SPAG16: variants seen among roughly 807,000 people sequenced by gnomAD.
SPAG16 encodes sperm associated antigen 16.
Under a neutral mutation model 80.4 loss-of-function variants are expected in SPAG16, and 86 were observed. That is an observed-to-expected ratio of 1.07 (90% CI 0.90 to 1.28). The LOEUF (loss-of-function observed/expected upper bound fraction) is 1.28. Among genes scored for constraint, SPAG16 ranks in the 50% most tolerant of loss-of-function variants. The pLI, the probability that SPAG16 is intolerant of heterozygous loss-of-function variation, is 0.00. For synonymous variants in SPAG16, 294 were observed against 265.9 expected, an observed-to-expected ratio of 1.11 and a Z score of -1.03; for missense variants, 870 against 765.3, an observed-to-expected ratio of 1.14 and a Z score of -1.61.
intron 1 of SPAG16, 82 bp from the exon 2 acceptor site, chr2:213,295,982 A>G (rs1016193202): frequency 8.6e-7 from 1 of 1,161,324 alleles, no homozygotes; most frequent in Admixed American, 1.7e-5. Flanking sequence ...TGAATCCAAT[A>G]CTATATTTGA....
chr2:214,287,398 T>G (rs1167469885), intron 15 of SPAG16, among the ~76,000 whole-genome samples: 1 of 152,204 alleles, frequency 6.6e-6, no homozygotes, highest in African/African-American at 2.4e-5. Flanking sequence ...ATTATTGTAT[T>G]TGATATATTG....
At chr2:214,195,663 C>T (rs1025996217) in intron 15 of SPAG16, among the ~76,000 whole-genome samples, 1 of 151,872 alleles carries the variant, frequency 6.6e-6, no homozygotes, top group Non-Finnish European at 1.5e-5. Flanking sequence ...TAAATAGTGT[C>T]TGAGGTCATT....
intron 8 of SPAG16, chr2:213,365,393 A>T (rs989982916): frequency 6.6e-6 from 1 of 152,232 alleles, no homozygotes; most frequent in Admixed American, 6.5e-5. Flanking sequence ...AAGCAAAGAA[A>T]TGAGAACAAG....
chr2:214,261,539 T>C (rs1379858029), intron 15 of SPAG16, among the ~76,000 whole-genome samples: 2 of 152,212 alleles, frequency 1.3e-5, no homozygotes, highest in Non-Finnish European at 2.9e-5. Flanking sequence ...ATAAGTTTGA[T>C]AGGAATTGAG....
At chr2:213,307,338 A>G (rs1384808737) in intron 3 of SPAG16, among the ~76,000 whole-genome samples, 5 of 135,586 alleles carry the variant, frequency 3.7e-5, no homozygotes, top group African/African-American at 1.1e-4. Flanking sequence ...TATATCTCCC[A>G]ATGCTATCCC....
chr2:214,395,537 T>G (rs1701315569), intron 15 of SPAG16, among the ~76,000 whole-genome samples: 1 of 152,158 alleles, frequency 6.6e-6, no homozygotes, highest in African/African-American at 2.4e-5. Context: ...ATTTTTATGG[T>G]AAGTTTTATT....
At chr2:214,034,735 A>G (rs1472469986) in intron 13 of SPAG16, among the ~76,000 whole-genome samples, 1 of 152,184 alleles carries the variant, frequency 6.6e-6, no homozygotes, top group African/African-American at 2.4e-5. Context: ...AAGCTTTAAG[A>G]TGCCAGGAAC....
At chr2:213,431,086 A>C (rs916913855) in intron 9 of SPAG16, among the ~76,000 whole-genome samples, 1 of 152,208 alleles carries the variant, frequency 6.6e-6, no homozygotes, top group South Asian at 2.1e-4. Flanking sequence ...CATGGGAAAG[A>C]AAGGTTGATA....
intron 10 of SPAG16, among the ~76,000 whole-genome samples, chr2:213,775,037 A>G (rs2069488553): frequency 6.6e-6 from 1 of 152,186 alleles, no homozygotes; most frequent in South Asian, 2.1e-4. Flanking sequence ...GACTTGTCAA[A>G]AAGAGTTTGT....
At chr2:214,354,793 C>G (rs556723599) in intron 15 of SPAG16, among the ~76,000 whole-genome samples, 17 of 152,172 alleles carry the variant, frequency 1.1e-4, no homozygotes, top group Admixed American at 5.2e-4. Context: ...TGATCTGGCT[C>G]TCTGTTTGTC....
rs769487682 is a variant in SPAG16, at chr2:213,338,469, A to G, written c.537-1694A>G. 2.6e-5 allele frequency among the ~76,000 whole-genome samples: 4 copies of G among 152,328 alleles called. No homozygotes were observed. In the South Asian group the frequency reaches 8.3e-4, roughly 32 times the overall value. On this transcript the variant is annotated intron_variant, in intron 5 of 15. Transcript: ENST00000331683. ...TTGGTGTGCTGTATTCAAGAGACCTATCTCACATGCAAAGACACACATAGA... is the reference window on the plus strand; with the variant it reads ...TTGGTGTGCTGTATTCAAGAGACCTGTCTCACATGCAAAGACACACATAGA...
intron 10 of SPAG16, among the ~76,000 whole-genome samples, chr2:213,618,868 T>C (rs1224862660): frequency 6.6e-6 from 1 of 152,208 alleles, no homozygotes; most frequent in Non-Finnish European, 1.5e-5. Flanking sequence ...GATTCCCTGC[T>C]TTTCTTTTAG....
At chr2:213,833,454 T>TTATATATATTATATATAA (rs2073802165) in intron 10 of SPAG16, among the ~76,000 whole-genome samples, 1 of 5,440 alleles carries the variant, frequency 1.8e-4, no homozygotes, top group Non-Finnish European at 3.5e-4. Flanking sequence ...TATATATATA[T>TTATATATATTATATATAA]TATATATATA....
chr2:213,519,084 C>A (rs2075559662), intron 10 of SPAG16, among the ~76,000 whole-genome samples: 1 of 152,030 alleles, frequency 6.6e-6, no homozygotes, highest in South Asian at 2.1e-4. Context: ...GGGGTTAGGT[C>A]AAAAAACTGC....
At position 213,795,334 on chromosome 2, in the gene SPAG16, T is replaced by C. The variant is rs373756415; in HGVS notation, c.1071-67151T>C. ...ACACAGTACTCAGTATGTGAAATTG[T>C]AATGTAATTGACAAATACACAAAAA... On this transcript the variant is annotated intron_variant, in intron 10 of 15. Coordinates refer to ENST00000331683, the MANE Select transcript of SPAG16 (RefSeq NM_024532.5). Among the ~76,000 whole-genome samples, 3 of 152,324 alleles carry C rather than the reference T, an allele frequency of 2.0e-5. No homozygotes were observed. The East Asian group carries it at 5.8e-4, about 29-fold the overall frequency.
intron 9 of SPAG16, among the ~76,000 whole-genome samples, chr2:213,474,986 A>C (rs2371967): frequency 0.023 from 3,532 of 152,268 alleles, 57 homozygotes; most frequent in South Asian, 0.038. Context: ...TTGGGGTCCC[A>C]TTTAGGGTCC....
chr2:213,371,416 AAAG>A (rs139837963), intron 8 of SPAG16, among the ~76,000 whole-genome samples: 53,602 of 90,790 alleles, frequency 0.59, 15,593 homozygotes, highest in South Asian at 0.73. Context: ...AAAAAAAAAA[AAAG>A]AAAAGAAAAG....
chr2:213,828,752 C>T (rs1283189624), intron 10 of SPAG16, among the ~76,000 whole-genome samples: 2 of 152,174 alleles, frequency 1.3e-5, no homozygotes, highest in Non-Finnish European at 2.9e-5. Context: ...AGGGAGTACC[C>T]AAAGCCCCGT....
intron 10 of SPAG16, among the ~76,000 whole-genome samples, chr2:213,684,323 A>T (rs1045011261): frequency 6.6e-6 from 1 of 152,196 alleles, no homozygotes; most frequent in Non-Finnish European, 1.5e-5. Flanking sequence ...GTTTATACTA[A>T]AGGCAATGGT....
Sources: allele counts gnomAD v4.1 joint callset (sites outside exome capture counted in the v4.1 genomes callset), GRCh38; gene constraint gnomAD v4.1.1; transcripts MANE v1.5; gene names NCBI Gene and HGNC (gene_info 2026-07-23, HGNC 2026-07-21).